Variants in PAGE1 observed in about 807,000 individuals in gnomAD.
PAGE1 encodes the protein P antigen family member 1.
Under a neutral mutation model 11.5 loss-of-function variants are expected in PAGE1, and 6 were observed. That is an observed-to-expected ratio of 0.52 (90% CI 0.29 to 1.03). The LOEUF is 1.03. PAGE1 is among the 50% of genes least tolerant of loss of function. The pLI is 0.09. For synonymous variants in PAGE1, 42 were observed against 40.2 expected (o/e 1.05, Z -0.17); for missense variants, 120 against 110.2 (o/e 1.09, Z -0.40).
chrX:49,689,765 T>C (rs2066904593), intron 4 of PAGE1, among the ~76,000 whole-genome samples: 1 of 63,919 alleles, frequency 1.6e-5, no homozygotes, highest in South Asian at 1.0e-3. Context: ...TATATACATA[T>C]ATATGTGTGT....
At chrX:49,694,949 T>C (rs1557142683) in intron 1 of PAGE1, among the ~76,000 whole-genome samples, 171 bp from the exon 2 acceptor site, 3 of 112,640 alleles carry the variant, frequency 2.7e-5, no homozygotes, top group African/African-American at 9.7e-5. Context: ...AAGCCACTTA[T>C]GCTCCCCAAG....
At position 49,689,491 on chromosome X, in the gene PAGE1, A is replaced by C. The variant is rs782508556; in HGVS notation, c.345T>G (p.Cys115Trp). Residue 115 changes from cysteine (C) to tryptophan (W), a missense_variant, in exon 5 of 6, where the codon TGT (cysteine) becomes TGG (tryptophan). Physicochemically the swap from Cys to Trp is radical, Grantham distance 215. Transcript: ENST00000376150. ...GGACATCAGGACCATCTCCGCGCTC[A>C]CACCCAGTCTTCGGGTGAACCTGTT... ...SQEQVHPKTG[C>W]ERGDGPDVQE... is the part of the protein sequence containing the mutation. 5.0e-6 allele frequency: 5 copies of C among 997,996 alleles called. No individual in the cohort carries two copies. In the African/African-American group the frequency reaches 1.2e-4, roughly 25 times the overall value. The allele number at this position is 997,996 out of a possible 1,213,427, so 82.2% of individuals were successfully genotyped here.
At chrX:49,688,534 C>T (rs1281497938) in intron 5 of PAGE1, among the ~76,000 whole-genome samples, 4 of 111,729 alleles carry the variant, frequency 3.6e-5, no homozygotes, top group African/African-American at 1.3e-4. Context: ...CAGAGGTTTT[C>T]AGATGACTCA....
intron 5 of PAGE1, among the ~76,000 whole-genome samples, chrX:49,688,424 A>T: frequency 9.0e-6 from 1 of 110,849 alleles, no homozygotes; most frequent in Non-Finnish European, 1.9e-5. Flanking sequence ...CAATTCAAAA[A>T]TTGACAGTAC....
intron 2 of PAGE1, 138 bp downstream of exon 2, chrX:49,694,570 T>C: frequency 2.5e-6 from 1 of 407,230 alleles, no homozygotes; most frequent in Non-Finnish European, 4.2e-6. Context: ...GATACCAGAA[T>C]CTTATTTTTT....
rs781814165 is a variant in PAGE1, at chrX:49,688,412, G to A, written c.419-849C>T. 4.5e-5 allele frequency among the ~76,000 whole-genome samples: 5 copies of A among 110,408 alleles called. No homozygotes were observed. The East Asian group carries it at 8.6e-4, about 19-fold the overall frequency. ...GTGAGACTTGTCACTCTGTCAGAGC[G>A]ACAATTCAAAAATTGACAGTACCTA... On this transcript the variant is annotated intron_variant, in intron 5 of 5. Coordinates refer to ENST00000376150, the MANE Select transcript of PAGE1 (RefSeq NM_003785.4).
intron 4 of PAGE1, 33 bp downstream of exon 4, chrX:49,691,216 C>T (rs1188457004): frequency 7.5e-6 from 9 of 1,195,502 alleles, no homozygotes; most frequent in Non-Finnish European, 1.0e-5. Flanking sequence ...GAAACAGACA[C>T]CCTACAATTT....
rs1557142652 is a variant in PAGE1 at position 49,694,752 on chromosome X, A to G, written c.19T>C (p.Leu7=). 5.9e-6 allele frequency: 7 copies of G among 1,191,842 alleles called. No homozygotes were observed. Among genetic ancestry groups the G allele is most frequent in the Non-Finnish European group, 8.0e-6 (7 of 879,343 alleles). The part of the protein sequence containing the change: MGFLRR[L]IYRRRPMIYV... Reference sequence around the variant, plus strand: ...ATCATTGGTCTACGCCGATAGATTAATCTTCTTAGAAAACCCATATTTCAC... The same window carrying G: ...ATCATTGGTCTACGCCGATAGATTAGTCTTCTTAGAAAACCCATATTTCAC... Residue 7 remains leucine (L), a synonymous_variant, in exon 2 of 6, where the codon TTA becomes CTA. Transcript: ENST00000376150.
At chrX:49,692,038 T>A (rs1288767345) in intron 3 of PAGE1, among the ~76,000 whole-genome samples, 3 of 110,734 alleles carry the variant, frequency 2.7e-5, no homozygotes, top group Non-Finnish European at 5.7e-5. Flanking sequence ...TCCCAACTAC[T>A]CAGGAGGCTG....
At position 49,690,039 on chromosome X, in the gene PAGE1, G is replaced by GTA. The variant is rs879997992; in HGVS notation, c.293-498_293-497dup. On this transcript the variant is annotated intron_variant, in intron 4 of 5. Coordinates refer to ENST00000376150, the MANE Select transcript of PAGE1 (RefSeq NM_003785.4). ...TGTGTATATACACACATATATATGT[G>GTA]TATATATGTGTATATATGTGTATAT... 1.2e-3 allele frequency among the ~76,000 whole-genome samples: 71 copies of GTA among 59,092 alleles called. 2 individuals are homozygous for GTA. Among genetic ancestry groups the GTA allele is most frequent in the Non-Finnish European group, 1.7e-3 (57 of 33,480 alleles). The allele number at this position is 59,092 out of a possible 115,157, so 51.3% of individuals were successfully genotyped here. A position where few individuals can be genotyped will look rare whatever the true frequency, so the allele number is the denominator to read the frequency against.
rs1277664304 is a variant in PAGE1 at position 49,689,768 on chromosome X, ATG to A, written c.293-227_293-226del. On this transcript the variant is annotated intron_variant, in intron 4 of 5. Coordinates refer to ENST00000376150, the MANE Select transcript of PAGE1 (RefSeq NM_003785.4). ...TGTATATGTGTATATATACATATAT[ATG>A]TGTGTATATATACACACATATATAT... is the stretch of plus-strand genomic sequence containing the variant. Among the ~76,000 whole-genome samples the A allele has an allele frequency of 4.1e-4, 26 of 63,364 alleles. 1 individual carries two copies. The highest frequency in any genetic ancestry group is 6.2e-4 in the Admixed American group (3 of 4,834). 55.0% of individuals were successfully genotyped at this position (63,364 alleles called of 115,157 possible).
intron 2 of PAGE1, 128 bp from the exon 3 acceptor site, chrX:49,694,329 A>T: frequency 2.3e-6 from 1 of 435,026 alleles, no homozygotes. Context: ...AAACCTAAAA[A>T]TATTTCTCCA....
chrX:49,694,591 G>A (rs60447196), intron 2 of PAGE1, 117 bp downstream of exon 2: 2 of 417,639 alleles, frequency 4.8e-6, no homozygotes, highest in Non-Finnish European at 8.1e-6. Context: ...TAATCAGCAT[G>A]AACTACCTTT....
intron 4 of PAGE1, 35 bp from the exon 5 acceptor site, chrX:49,689,578 ATATAT>A (rs2066899037): frequency 1.9e-4 from 4 of 20,792 alleles, no homozygotes; most frequent in African/African-American, 3.0e-4. Context: ...AAAAAAAAAT[ATATAT>A]ATATATATAT....
intron 3 of PAGE1, among the ~76,000 whole-genome samples, chrX:49,693,855 G>A (rs1374801289): frequency 1.8e-5 from 2 of 110,774 alleles, no homozygotes; most frequent in South Asian, 3.9e-4. Context: ...CACAATCCCC[G>A]GGCCTCCATT....
chrX:49,695,160 G>A (rs2147148069), intron 1 of PAGE1, among the ~76,000 whole-genome samples: 1 of 112,605 alleles, frequency 8.9e-6, no homozygotes, highest in African/African-American at 3.2e-5. Context: ...GCACCACTGC[G>A]CCCCTCTGAC....
chrX:49,690,486 A>G (rs1359205352), intron 4 of PAGE1, among the ~76,000 whole-genome samples: 2 of 110,373 alleles, frequency 1.8e-5, no homozygotes, highest in Admixed American at 2.0e-4. Context: ...AGACTCCTAC[A>G]TGGCATGAGT....
At chrX:49,690,278 G>T (rs1458027054) in intron 4 of PAGE1, among the ~76,000 whole-genome samples, 2 of 107,342 alleles carry the variant, frequency 1.9e-5, no homozygotes, top group Non-Finnish European at 3.8e-5. Flanking sequence ...CCAAGAACAT[G>T]ATTTCAGGAG....
At chrX:49,690,317 T>C (rs2066915647) in intron 4 of PAGE1, among the ~76,000 whole-genome samples, 1 of 106,549 alleles carries the variant, frequency 9.4e-6, no homozygotes, top group Non-Finnish European at 1.9e-5. Flanking sequence ...GAAAACAGGG[T>C]TTTCCAAATA....
Sources: gnomAD v4.1 joint callset for allele counts (sites outside exome capture counted in the v4.1 genomes callset) on GRCh38, gnomAD v4.1.1 for gene constraint, MANE v1.5 for transcripts, NCBI Gene and HGNC (gene_info 2026-07-23, HGNC 2026-07-21) for gene names.